CLTRN: variants seen among roughly 807,000 people sequenced by gnomAD.
CLTRN encodes the protein collectrin, amino acid transport regulator.
In CLTRN, 12 loss-of-function variants were observed where a neutral mutation model predicts 14.5. The observed-to-expected ratio is 0.83, with a 90% CI of 0.53 to 1.34. The LOEUF is 1.34. CLTRN is among the 40% of genes most tolerant of loss of function. The pLI is 0.00. For synonymous variants in CLTRN, 58 were observed against 56.5 expected, an observed-to-expected ratio of 1.03 and a Z score of -0.12; for missense variants, 154 against 165.1, an observed-to-expected ratio of 0.93 and a Z score of 0.37.
chrX:15,655,988 C>G (rs1220533391), intron 3 of CLTRN, among the ~76,000 whole-genome samples: 1 of 111,776 alleles, frequency 8.9e-6, no homozygotes, highest in Non-Finnish European at 1.9e-5. Context: ...TGTCAACACC[C>G]TAGCTGGCCG....
intron 5 of CLTRN, among the ~76,000 whole-genome samples, chrX:15,632,366 T>A (rs763967096): frequency 9.4e-6 from 1 of 106,065 alleles, no homozygotes; most frequent in African/African-American, 3.5e-5. Flanking sequence ...TCACCTGAGG[T>A]CAGGAGTTCG....
chrX:15,650,938 T>A (rs1433372940), intron 3 of CLTRN, among the ~76,000 whole-genome samples: 3 of 111,527 alleles, frequency 2.7e-5, no homozygotes, highest in Admixed American at 1.9e-4. Flanking sequence ...TACTTCCTAC[T>A]TGCTTGGATG....
intron 3 of CLTRN, chrX:15,646,800 C>T: frequency 3.0e-6 from 1 of 334,017 alleles, no homozygotes; most frequent in South Asian, 2.6e-5. Context: ...CGCCACCCCC[C>T]CACCAGCCTG....
upstream of CLTRN, among the ~76,000 whole-genome samples, chrX:15,669,342 A>G (rs967784362): frequency 8.9e-5 from 10 of 112,375 alleles, no homozygotes; most frequent in East Asian, 2.8e-3. Flanking sequence ...TGGGAGCTTC[A>G]TAACTTATTA....
At chrX:15,648,002 G>A (rs1242024773) in intron 3 of CLTRN, among the ~76,000 whole-genome samples, 1 of 85,480 alleles carries the variant, frequency 1.2e-5, no homozygotes, top group Non-Finnish European at 2.3e-5. Flanking sequence ...ATAATACCAA[G>A]GGCTGGTAAA....
At chrX:15,636,040 G>A (rs112815433) in intron 5 of CLTRN, among the ~76,000 whole-genome samples, 2,111 of 111,516 alleles carry the variant, frequency 0.019, 45 homozygotes, top group African/African-American at 0.064. Context: ...TCAAAAAGAC[G>A]AAACATAGCA....
At chrX:15,646,317 G>T in intron 3 of CLTRN, 1 of 259,605 alleles carries the variant, frequency 3.9e-6, no homozygotes. Flanking sequence ...ACTGAGCCCG[G>T]ACACTATCTC....
At chrX:15,650,938 T>C (rs1433372940) in intron 3 of CLTRN, among the ~76,000 whole-genome samples, 1 of 111,527 alleles carries the variant, frequency 9.0e-6, no homozygotes, top group East Asian at 2.8e-4. Flanking sequence ...TACTTCCTAC[T>C]TGCTTGGATG....
At chrX:15,660,447 T>A (rs1367597237) in intron 2 of CLTRN, among the ~76,000 whole-genome samples, 1 of 110,358 alleles carries the variant, frequency 9.1e-6, no homozygotes, top group Non-Finnish European at 1.9e-5. Context: ...TTCAGTTGCT[T>A]CTTCCACTTC....
At chrX:15,633,876 C>T (rs1186759716) in intron 5 of CLTRN, among the ~76,000 whole-genome samples, 1 of 112,240 alleles carries the variant, frequency 8.9e-6, no homozygotes, top group Non-Finnish European at 1.9e-5. Flanking sequence ...CAAGGACCAT[C>T]CATGTTATTT....
intron 2 of CLTRN, among the ~76,000 whole-genome samples, chrX:15,660,119 T>C (rs1247989218): frequency 9.0e-6 from 1 of 111,161 alleles, no homozygotes; most frequent in Non-Finnish European, 1.9e-5. Flanking sequence ...ATTGTCAGGA[T>C]TGGGGTTTCA....
At chrX:15,650,731 T>C (rs1929195415) in intron 3 of CLTRN, among the ~76,000 whole-genome samples, 1 of 112,048 alleles carries the variant, frequency 8.9e-6, no homozygotes, top group African/African-American at 3.2e-5. Context: ...TAACCTAATG[T>C]TCAACAAATG....
chrX:15,644,385 T>C (rs940647801), intron 4 of CLTRN, among the ~76,000 whole-genome samples: 1 of 111,768 alleles, frequency 8.9e-6, no homozygotes, highest in African/African-American at 3.3e-5. Flanking sequence ...CTTCTGTAAA[T>C]GCATTTTGCC....
At position 15,646,814 on chromosome X, in the gene CLTRN, G is replaced by A. The variant is rs774994098; in HGVS notation, c.204-1785C>T. On this transcript the variant is annotated intron_variant, in intron 3 of 5. Transcript: ENST00000380342. ...CCGCCACCCCCCCACCAGCCTGTCC[G>A]CAGCCTGGTAACCATGAAAATCGCC... 10 of 328,360 alleles carry A rather than the reference G, an allele frequency of 3.0e-5. No homozygotes were observed. The East Asian group carries it at 3.9e-4, about 13-fold the overall frequency. The allele number at this position is 328,360 out of a possible 1,213,427, so 27.1% of individuals were successfully genotyped here. A position where few individuals can be genotyped will look rare whatever the true frequency, so the allele number is the denominator to read the frequency against.
intron 3 of CLTRN, among the ~76,000 whole-genome samples, chrX:15,652,702 CAG>C (rs761208434): frequency 3.0e-4 from 34 of 111,977 alleles, no homozygotes; most frequent in African/African-American, 1.0e-3. Flanking sequence ...AGAAGTAAGA[CAG>C]AGAAAGCTCT....
At chrX:15,646,480 C>G in intron 3 of CLTRN, 1 of 303,355 alleles carries the variant, frequency 3.3e-6, no homozygotes, top group African/African-American at 2.9e-5. Context: ...GCCCGACCCC[C>G]GCGCCAGAAG....
intron 4 of CLTRN, among the ~76,000 whole-genome samples, chrX:15,640,482 T>A (rs1601723848): frequency 8.9e-6 from 1 of 112,677 alleles, no homozygotes; most frequent in Non-Finnish European, 1.9e-5. Flanking sequence ...TCTCTTGAAT[T>A]TTTTTCCTGG....
intron 2 of CLTRN, among the ~76,000 whole-genome samples, chrX:15,662,424 G>C (rs1929529692): frequency 9.0e-6 from 1 of 111,231 alleles, no homozygotes; most frequent in Admixed American, 9.5e-5. Context: ...GCCCTTCTCA[G>C]ATCTAAACAA....
At chrX:15,642,240 A>C (rs187649183) in intron 4 of CLTRN, among the ~76,000 whole-genome samples, 1 of 112,127 alleles carries the variant, frequency 8.9e-6, no homozygotes, top group East Asian at 2.8e-4. Flanking sequence ...GCTCAGGTAC[A>C]TATTAAATCT....
Sources: gnomAD v4.1 joint callset for allele counts (sites outside exome capture counted in the v4.1 genomes callset) on GRCh38, gnomAD v4.1.1 for gene constraint, MANE v1.5 for transcripts, NCBI Gene and HGNC (gene_info 2026-07-23, HGNC 2026-07-21) for gene names.